The following ADGRB3 variants were observed in gnomAD, a reference collection of about 807,000 sequenced individuals.
The protein encoded by ADGRB3 is brain-specific angiogenesis inhibitor 3.
Under a neutral mutation model 193.4 loss-of-function variants are expected in ADGRB3, and 37 were observed. The observed-to-expected ratio is 0.19, with a 90% CI of 0.15 to 0.25. The LOEUF (loss-of-function observed/expected upper bound fraction) is 0.25. Among genes scored for constraint, ADGRB3 ranks in the 10% least tolerant of loss-of-function variants. The pLI, the probability that ADGRB3 is intolerant of heterozygous loss-of-function variation, is 1.00. For missense variants in ADGRB3, 1,637 were observed against 1,852.9 expected (o/e 0.88, Z 2.14); for synonymous variants, 690 against 644.2 (o/e 1.07, Z -1.08).
At chr6:69,126,436 T>C (rs576465463) in intron 17 of ADGRB3, among the ~76,000 whole-genome samples, 46 of 152,316 alleles carry the variant, frequency 3.0e-4, no homozygotes, top group African/African-American at 1.1e-3. Context: ...AAGCCACTGC[T>C]GTCGTTCTCA....
rs892029916 is a variant in ADGRB3, at chr6:69,159,449, T to G, written c.2481-73841T>G. 4.6e-5 allele frequency among the ~76,000 whole-genome samples: 7 copies of G among 152,280 alleles called. No individual in the cohort carries two copies. In the South Asian group the frequency reaches 1.4e-3, roughly 32 times the overall value. On this transcript the variant is annotated intron_variant, in intron 17 of 31. Transcript: ENST00000370598. ...TTGATTTTAAAATCAATAAAATATC[T>G]ATTATCTGCCAGGTACCTGAAATGC...
chr6:68,976,297 G>A (rs111950739), intron 10 of ADGRB3, among the ~76,000 whole-genome samples: 5,705 of 152,096 alleles, frequency 0.038, 297 homozygotes, highest in African/African-American at 0.12. Flanking sequence ...AAAAAGAAAA[G>A]CATTTTTTTA....
At chr6:69,274,444 A>ATTTCCTTCCTTCCTTCCTTCCTTCCTTC (rs1767248085) in intron 20 of ADGRB3, among the ~76,000 whole-genome samples, 1 of 97,740 alleles carries the variant, frequency 1.0e-5, no homozygotes, top group African/African-American at 4.6e-5. Context: ...TGGTGGTTGC[A>ATTTCCTTCCTTCCTTCCTTCCTTCCTTC]TTTCCTTCCT....
At chr6:69,376,442 TA>T (rs1483697472) in intron 30 of ADGRB3, among the ~76,000 whole-genome samples, 4 of 151,970 alleles carry the variant, frequency 2.6e-5, no homozygotes, top group African/African-American at 9.7e-5. Flanking sequence ...TCTGAGTTTT[TA>T]ATGAGCTCCA....
chr6:69,113,716 T>C (rs956235595), intron 17 of ADGRB3, among the ~76,000 whole-genome samples: 3 of 152,222 alleles, frequency 2.0e-5, no homozygotes, highest in Non-Finnish European at 2.9e-5. Context: ...TAGTCAATTA[T>C]TTTCCTTCTG....
At chr6:68,804,463 A>T (rs1767367325) in intron 3 of ADGRB3, among the ~76,000 whole-genome samples, 1 of 152,150 alleles carries the variant, frequency 6.6e-6, no homozygotes, top group African/African-American at 2.4e-5. Context: ...ATTTTTTTTA[A>T]AAATTCTCTA....
At chr6:69,020,973 A>G (rs773534435) in intron 13 of ADGRB3, among the ~76,000 whole-genome samples, 1 of 151,992 alleles carries the variant, frequency 6.6e-6, no homozygotes, top group Non-Finnish European at 1.5e-5. Context: ...GATATTTCCA[A>G]TGTTTTTGAG....
At chr6:69,111,267 T>G (rs1773358130) in intron 17 of ADGRB3, among the ~76,000 whole-genome samples, 1 of 152,200 alleles carries the variant, frequency 6.6e-6, no homozygotes, top group Non-Finnish European at 1.5e-5. Flanking sequence ...TTGTTTTGTG[T>G]GGGTATGACT....
intron 3 of ADGRB3, among the ~76,000 whole-genome samples, chr6:68,901,251 G>C (rs562855104): frequency 6.6e-6 from 1 of 152,056 alleles, no homozygotes; most frequent in African/African-American, 2.4e-5. Flanking sequence ...TGGGTGGAGG[G>C]GGGTGGGGTT....
At chr6:69,269,423 G>A (rs62408271) in intron 20 of ADGRB3, among the ~76,000 whole-genome samples, 7,112 of 152,170 alleles carry the variant, frequency 0.047, 223 homozygotes, top group Non-Finnish European at 0.072. Flanking sequence ...TATAATTTGA[G>A]CTAAGCTTGT....
intron 8 of ADGRB3, among the ~76,000 whole-genome samples, chr6:68,959,406 C>T (rs1768172069): frequency 6.6e-6 from 1 of 152,036 alleles, no homozygotes; most frequent in Admixed American, 6.6e-5. Flanking sequence ...TATTTTTAGT[C>T]TATTCATTCT....
At chr6:68,755,585 T>C (rs371572642) in intron 3 of ADGRB3, among the ~76,000 whole-genome samples, 4 of 152,266 alleles carry the variant, frequency 2.6e-5, no homozygotes, top group South Asian at 4.1e-4. Context: ...AGTCACTCTA[T>C]GGAAGGTGAA....
intron 10 of ADGRB3, among the ~76,000 whole-genome samples, chr6:68,981,303 T>TA (rs1418534063): frequency 6.6e-6 from 1 of 151,702 alleles, no homozygotes; most frequent in Non-Finnish European, 1.5e-5. Flanking sequence ...ATGGAGTTTT[T>TA]AACATGTGGT....
At chr6:68,656,506 G>A (rs957039522) in intron 3 of ADGRB3, among the ~76,000 whole-genome samples, 3 of 151,432 alleles carry the variant, frequency 2.0e-5, no homozygotes, top group African/African-American at 7.3e-5. Context: ...CAAAAATGTT[G>A]TTGTAATTAT....
chr6:68,835,134 A>C (rs1768022165), intron 3 of ADGRB3, among the ~76,000 whole-genome samples: 2 of 152,152 alleles, frequency 1.3e-5, no homozygotes, highest in South Asian at 4.1e-4. Flanking sequence ...GACCTTACAC[A>C]ATGGGACTTC....
chr6:68,706,838 G>A (rs1351695449), intron 3 of ADGRB3, among the ~76,000 whole-genome samples: 2 of 152,164 alleles, frequency 1.3e-5, no homozygotes, highest in Non-Finnish European at 2.9e-5. Flanking sequence ...GAGGCTGGGC[G>A]TGGTGGCTCA....
intron 3 of ADGRB3, among the ~76,000 whole-genome samples, chr6:68,929,948 T>A (rs560715811): frequency 6.6e-6 from 1 of 151,558 alleles, no homozygotes; most frequent in East Asian, 1.9e-4. Context: ...TTCTCTTACA[T>A]GTGATTAGAA....
chr6:69,213,058 G>A (rs1171345327), intron 17 of ADGRB3, among the ~76,000 whole-genome samples: 2 of 152,132 alleles, frequency 1.3e-5, no homozygotes, highest in African/African-American at 4.8e-5. Flanking sequence ...GGCTATAGAT[G>A]AAGTATTCAT....
At chr6:68,776,484 T>A (rs1406139451) in intron 3 of ADGRB3, among the ~76,000 whole-genome samples, 1 of 152,168 alleles carries the variant, frequency 6.6e-6, no homozygotes, top group South Asian at 2.1e-4. Context: ...TTTGAATGCA[T>A]AATTTCACAT....
Sources: allele counts gnomAD v4.1 joint callset (sites outside exome capture counted in the v4.1 genomes callset), GRCh38; gene constraint gnomAD v4.1.1; transcripts MANE v1.5; gene names NCBI Gene and HGNC (gene_info 2026-07-23, HGNC 2026-07-21).